The following AXDND1 variants were observed in gnomAD, a reference collection of about 807,000 sequenced individuals.
AXDND1 encodes axonemal dynein light chain domain-containing protein 1.
A neutral mutation model predicts 137.5 loss-of-function variants in AXDND1; 110 were observed. The ratio of observed to expected loss-of-function variants is 0.80; its 90% CI spans 0.69 to 0.94. The LOEUF (loss-of-function observed/expected upper bound fraction) is 0.94, where lower values mean the gene tolerates loss of function less well. Among genes scored for constraint, AXDND1 ranks in the 40% least tolerant of loss-of-function variants. The pLI is 0.00. For missense variants in AXDND1, 1,191 were observed against 1,169.8 expected (o/e 1.02, Z -0.26); for synonymous variants, 414 against 399.7 (o/e 1.04, Z -0.43).
chr1:179,366,259 G>A (rs1667382592), intron 1 of AXDND1, 145 bp from the exon 2 acceptor site: 1 of 301,450 alleles, frequency 3.3e-6, no homozygotes. Context: ...AGGCTTCTTA[G>A]TCGCTACACA....
intron 18 of AXDND1, among the ~76,000 whole-genome samples, chr1:179,490,601 A>G (rs1358812413): frequency 6.6e-6 from 1 of 152,226 alleles, no homozygotes; most frequent in African/African-American, 2.4e-5. Flanking sequence ...TACTACACAT[A>G]CATTGAAAGA....
intron 16 of AXDND1, among the ~76,000 whole-genome samples, chr1:179,459,396 G>C (rs1661889417): frequency 1.3e-5 from 2 of 152,072 alleles, no homozygotes; most frequent in South Asian, 4.2e-4. Flanking sequence ...TAATACATAG[G>C]ATAAGATAAT....
chr1:179,434,719 A>G (rs1255421563), intron 15 of AXDND1, among the ~76,000 whole-genome samples: 2 of 152,186 alleles, frequency 1.3e-5, no homozygotes, highest in Non-Finnish European at 2.9e-5. Context: ...AATAAGAGCT[A>G]TTTATGTCAA....
rs138637997 is a variant in AXDND1, at chr1:179,449,172, C to T, written c.1798+3968C>T. On this transcript the variant is annotated intron_variant, in intron 16 of 25. Coordinates refer to ENST00000367618, the MANE Select transcript of AXDND1 (RefSeq NM_144696.6). Reference sequence around the variant, plus strand: ...AAGTGCTGGAATTAGAGGCATAATCCACCGCACCTGGCCTTGGGTTAATTT... The same window carrying T: ...AAGTGCTGGAATTAGAGGCATAATCTACCGCACCTGGCCTTGGGTTAATTT... The T allele has an allele frequency of 5.4e-3, 2,434 of 452,442 alleles. 20 individuals carry two copies. The highest frequency in any genetic ancestry group is 0.02 in the Middle Eastern group (60 of 3,050). 28.0% of individuals were successfully genotyped at this position (452,442 alleles called of 1,614,324 possible). A position where few individuals can be genotyped will look rare whatever the true frequency, so the allele number is the denominator to read the frequency against.
rs1481781318 is a variant in AXDND1, at chr1:179,388,311, A to G, written c.863+2952A>G. On this transcript the variant is annotated intron_variant, in intron 9 of 25. Coordinates refer to ENST00000367618, the MANE Select transcript of AXDND1 (RefSeq NM_144696.6). ...ACCTATATCTATACCATAATTCACT[A>G]TATAGATTAATGTCTTTCAGAAGTG... is the stretch of plus-strand genomic sequence containing the variant. Among the ~76,000 whole-genome samples the G allele has an allele frequency of 2.6e-5, 4 of 152,304 alleles. No homozygotes were observed. The East Asian group carries it at 7.7e-4, about 29-fold the overall frequency.
At chr1:179,376,837 C>T (rs3935240) in intron 4 of AXDND1, among the ~76,000 whole-genome samples, 34,267 of 152,042 alleles carry the variant, frequency 0.23, 3,904 homozygotes, top group Non-Finnish European at 0.24. Context: ...CTGTCACTTA[C>T]AATATGGTTA....
At chr1:179,381,908 G>A (rs1648387912) in intron 6 of AXDND1, among the ~76,000 whole-genome samples, 1 of 149,038 alleles carries the variant, frequency 6.7e-6, no homozygotes, top group Non-Finnish European at 1.5e-5. Context: ...AGCCTCCTGA[G>A]TAGCTGGGAT....
intron 16 of AXDND1, among the ~76,000 whole-genome samples, chr1:179,465,974 C>T (rs34946012): frequency 0.17 from 25,552 of 152,052 alleles, 2,503 homozygotes; most frequent in East Asian, 0.35. Context: ...ATTGGAAAAG[C>T]GCAGTATTAG....
intron 24 of AXDND1, 140 bp downstream of exon 24, chr1:179,534,017 T>C: frequency 1.5e-6 from 1 of 651,504 alleles, no homozygotes; most frequent in Middle Eastern, 2.6e-4. Context: ...CTCCACATGT[T>C]CTGCTAGAGG....
chr1:179,412,552 A>C (rs999306291), intron 12 of AXDND1, among the ~76,000 whole-genome samples: 1 of 152,104 alleles, frequency 6.6e-6, no homozygotes, highest in Non-Finnish European at 1.5e-5. Context: ...AGAGAAAGCT[A>C]ATATACTAGA....
chr1:179,486,119 CAAAA>C (rs1173009992), intron 18 of AXDND1, among the ~76,000 whole-genome samples: 7 of 22,664 alleles, frequency 3.1e-4, no homozygotes, highest in Non-Finnish European at 4.8e-4. Context: ...AACTCTGTCT[CAAAA>C]AAAAAAAAAA....
At chr1:179,391,190 A>T (rs1156441930) in intron 9 of AXDND1, among the ~76,000 whole-genome samples, 1 of 149,394 alleles carries the variant, frequency 6.7e-6, no homozygotes, top group African/African-American at 2.5e-5. Context: ...GCCTAACATT[A>T]CTTTCTCTCT....
intron 25 of AXDND1, among the ~76,000 whole-genome samples, chr1:179,537,590 T>G (rs938887786): frequency 6.6e-6 from 1 of 152,184 alleles, no homozygotes; most frequent in Non-Finnish European, 1.5e-5. Flanking sequence ...CTGGATTTGG[T>G]TTGCCAGTAT....
At chr1:179,421,927 C>A (rs1655797189) in intron 12 of AXDND1, among the ~76,000 whole-genome samples, 1 of 151,572 alleles carries the variant, frequency 6.6e-6, no homozygotes, top group South Asian at 2.1e-4. Context: ...GTAATCCCGG[C>A]TACTTGGGAG....
At chr1:179,497,578 C>T (rs1029826030) in intron 20 of AXDND1, among the ~76,000 whole-genome samples, 1 of 152,142 alleles carries the variant, frequency 6.6e-6, no homozygotes, top group Non-Finnish European at 1.5e-5. Flanking sequence ...AAGCTTGAAC[C>T]ATTCCCCTTG....
chr1:179,520,939 T>C (rs1318901440), intron 21 of AXDND1, among the ~76,000 whole-genome samples: 1 of 41,718 alleles, frequency 2.4e-5, no homozygotes, highest in Non-Finnish European at 5.7e-5. Flanking sequence ...AATCAATTTC[T>C]GTATTTTAAT....
At chr1:179,476,896 T>C (rs1664705360) in intron 17 of AXDND1, among the ~76,000 whole-genome samples, 1 of 152,208 alleles carries the variant, frequency 6.6e-6, no homozygotes, top group Non-Finnish European at 1.5e-5. Context: ...TGTTTTTCAA[T>C]AAATTTGGAA....
intron 14 of AXDND1, among the ~76,000 whole-genome samples, chr1:179,431,464 TTTTG>T (rs151285259): frequency 0.45 from 67,395 of 151,220 alleles, 15,902 homozygotes; most frequent in East Asian, 0.76. Context: ...TTTCTAAGGT[TTTTG>T]TTTGTTTGTT....
At chr1:179,459,872 C>A (rs1571926368) in intron 16 of AXDND1, among the ~76,000 whole-genome samples, 1 of 121,838 alleles carries the variant, frequency 8.2e-6, no homozygotes, top group Non-Finnish European at 1.7e-5. Flanking sequence ...TCCTTCCTTT[C>A]TTTTCTTTTC....
Sources: allele counts gnomAD v4.1 joint callset (sites outside exome capture counted in the v4.1 genomes callset), GRCh38; gene constraint gnomAD v4.1.1; transcripts MANE v1.5; gene names NCBI Gene and HGNC (gene_info 2026-07-23, HGNC 2026-07-21).